BTNL3: variants seen among roughly 807,000 people sequenced by gnomAD.
BTNL3 encodes butyrophilin-like protein 3.
In BTNL3, 20 loss-of-function variants were observed where a neutral mutation model predicts 40.1. That is an observed-to-expected ratio of 0.50 (90% confidence interval 0.35 to 0.72). The LOEUF (loss-of-function observed/expected upper bound fraction) is 0.72. BTNL3 is among the 30% of genes least tolerant of loss of function. BTNL3 has a pLI of 0.01. For synonymous variants in BTNL3, 179 were observed against 222.1 expected, an observed-to-expected ratio of 0.81 and a Z score of 1.73; for missense variants, 449 against 582.2, an observed-to-expected ratio of 0.77 and a Z score of 2.35.
At chr5:180,996,570 C>A (rs145097514) in intron 2 of BTNL3, among the ~76,000 whole-genome samples, 1 of 136,746 alleles carries the variant, frequency 7.3e-6, no homozygotes, top group African/African-American at 2.5e-5. Context: ...TTGTCTCACA[C>A]CCCTACTCTC....
chr5:181,003,024 AG>A (rs1386536683), intron 4 of BTNL3, among the ~76,000 whole-genome samples: 2 of 135,576 alleles, frequency 1.5e-5, no homozygotes, highest in African/African-American at 5.1e-5. Flanking sequence ...CAGGATAAGC[AG>A]ATAATTGATT....
At position 180,990,942 on chromosome 5, in the gene BTNL3, C is replaced by G. The variant is rs557096490; in HGVS notation, c.49+1865C>G. 3.1e-3 allele frequency among the ~76,000 whole-genome samples: 424 copies of G among 137,446 alleles called. 82 individuals are homozygous for G. Among genetic ancestry groups the G allele is most frequent in the South Asian group, 0.019 (88 of 4,632 alleles). The allele number at this position is 137,446 out of a possible 152,430, so 90.2% of individuals were successfully genotyped here. A position where few individuals can be genotyped will look rare whatever the true frequency, so the allele number is the denominator to read the frequency against. ...CCCAACATCCACTGCTTCCTGTTCC[C>G]CACTGGGTGAGATGTGCCCCTCCGG... On this transcript the variant is annotated intron_variant, in intron 1 of 7. Coordinates refer to ENST00000342868, the MANE Select transcript of BTNL3 (RefSeq NM_197975.3).
At position 180,988,908 on chromosome 5, in the gene BTNL3, C is replaced by G; in HGVS notation, c.-121C>G. 1 of 1,130,800 alleles carries G rather than the reference C, an allele frequency of 8.8e-7. No homozygotes were observed. Among genetic ancestry groups the G allele is most frequent in the Non-Finnish European group, 1.3e-6 (1 of 799,126 alleles). The allele number at this position is 1,130,800 out of a possible 1,614,324, so 70.0% of individuals were successfully genotyped here. On this transcript the variant is annotated 5_prime_UTR_variant, in exon 1 of 8. The change creates a new upstream start codon in the 5' untranslated region. Coordinates refer to ENST00000342868, the MANE Select transcript of BTNL3 (RefSeq NM_197975.3). ...TAGGGAGAAATGCACAGTTTGACAT[C>G]GTTCATGAAGAGCCTCTCCACGGCT... is the stretch of plus-strand genomic sequence containing the variant.
chr5:181,005,027 G>A (rs1468861527), intron 7 of BTNL3, among the ~76,000 whole-genome samples: 2 of 152,160 alleles, frequency 1.3e-5, no homozygotes, highest in Non-Finnish European at 2.9e-5. Context: ...GGGGAACTAA[G>A]TGAAGTTAGC....
rs547012874 is a variant in BTNL3 at position 180,990,195 on chromosome 5, G to A, written c.49+1118G>A. On this transcript the variant is annotated intron_variant, in intron 1 of 7. Coordinates refer to ENST00000342868, the MANE Select transcript of BTNL3 (RefSeq NM_197975.3). The stretch of plus-strand genomic sequence containing the variant: ...AAACAAAAAATCACAATCCACGTAT[G>A]TTACTCACAAGACAGCCTCCGTTTA... Among the ~76,000 whole-genome samples, 35 of 136,822 alleles carry A rather than the reference G, an allele frequency of 2.6e-4. 10 individuals carry two copies. The Middle Eastern group carries it at 0.014, about 55-fold the overall frequency. The allele number at this position is 136,822 out of a possible 152,430, so 89.8% of individuals were successfully genotyped here.
rs981158962 is a variant in BTNL3 at position 181,004,176 on chromosome 5, A to G, written c.809-241A>G. ...CATGAGCTCTGAGGGTGTCTGGGCC[A>G]CAGTGAGGAACCTGAGAAAAATTTG... On this transcript the variant is annotated intron_variant, in intron 5 of 7. Coordinates refer to ENST00000342868, the MANE Select transcript of BTNL3 (RefSeq NM_197975.3). Among the ~76,000 whole-genome samples, 70 of 151,674 alleles carry G rather than the reference A, an allele frequency of 4.6e-4. No homozygotes were observed. In the Middle Eastern group the frequency reaches 0.01, roughly 22 times the overall value.
chr5:181,000,504 G>A (rs887735633), intron 3 of BTNL3, among the ~76,000 whole-genome samples: 1 of 137,030 alleles, frequency 7.3e-6, no homozygotes, highest in Non-Finnish European at 1.7e-5. Context: ...TACATAATGT[G>A]TCATTTAAAA....
At chr5:180,989,206 C>A in intron 1 of BTNL3, 129 bp downstream of exon 1, 1 of 1,148,612 alleles carries the variant, frequency 8.7e-7, no homozygotes, top group South Asian at 1.6e-5. Context: ...CTTCTCCTGG[C>A]CTCAGGCTGG....
rs1029633301 is a variant in BTNL3, at chr5:181,000,572, C to T, written c.674-2100C>T. Among the ~76,000 whole-genome samples the T allele has an allele frequency of 8.3e-5, 11 of 132,860 alleles. 3 individuals carry two copies. The East Asian group carries it at 1.6e-3, about 19-fold the overall frequency. The allele number at this position is 132,860 out of a possible 152,430, so 87.2% of individuals were successfully genotyped here. A position where few individuals can be genotyped will look rare whatever the true frequency, so the allele number is the denominator to read the frequency against. On this transcript the variant is annotated intron_variant, in intron 3 of 7. Transcript: ENST00000342868. Reference sequence around the variant, plus strand: ...CTGTAATCCCAGCACTTTGGGAGGCCGAGGCAGGTGGATCATGAGGTCAGG... The same window carrying T: ...CTGTAATCCCAGCACTTTGGGAGGCTGAGGCAGGTGGATCATGAGGTCAGG...
intron 3 of BTNL3, 102 bp downstream of exon 3, chr5:180,997,590 T>G: frequency 7.3e-7 from 1 of 1,377,404 alleles, no homozygotes; most frequent in East Asian, 2.6e-5. Flanking sequence ...CCATCCAGCT[T>G]CAATGATTTG....
chr5:181,005,320 C>G lies in BTNL3; in HGVS notation c.863-14C>G. ...CAGTAACTCATGCTTCCTCTCTCCC[C>G]CACCGCACCCCAGTGGAGGTGACTC... On this transcript the variant is annotated splice_polypyrimidine_tract_variant and intron_variant, in intron 7 of 7. Transcript: ENST00000342868. The G allele has an allele frequency of 6.2e-7, 1 of 1,609,280 alleles. No individual in the cohort carries two copies. Among genetic ancestry groups the G allele is most frequent in the Non-Finnish European group, 8.5e-7 (1 of 1,177,972 alleles).
chr5:180,995,798 G>C, intron 2 of BTNL3, among the ~76,000 whole-genome samples: 1 of 135,780 alleles, frequency 7.4e-6, no homozygotes. Context: ...AGGTGGGAGT[G>C]GGGGAGTGGT....
chr5:180,989,002 G>C lies in BTNL3; in HGVS notation c.-27G>C, dbSNP rs372413048. 11 of 1,441,132 alleles carry C rather than the reference G, an allele frequency of 7.6e-6. 2 individuals are homozygous for C. The East Asian group carries it at 1.3e-4, about 16-fold the overall frequency. The allele number at this position is 1,441,132 out of a possible 1,614,324, so 89.3% of individuals were successfully genotyped here. ...ACCCCTGCTGTCATCTGTTTTCATA[G>C]TGTGAGATCAACCCACAGGAATATC... On this transcript the variant is annotated 5_prime_UTR_variant, in exon 1 of 8. An upstream open reading frame in the 5' UTR loses its in-frame stop. Transcript: ENST00000342868.
chr5:181,002,874 T>C, intron 4 of BTNL3, 89 bp downstream of exon 4: 2 of 1,362,002 alleles, frequency 1.5e-6, no homozygotes, highest in Non-Finnish European at 2.0e-6. Context: ...CTCTGGGCTC[T>C]GCTCTTCCAG....
intron 3 of BTNL3, among the ~76,000 whole-genome samples, chr5:181,000,126 T>C (rs529966241): frequency 7.3e-6 from 1 of 136,472 alleles, no homozygotes; most frequent in South Asian, 2.2e-4. Flanking sequence ...TAATTGAAAA[T>C]GTAAAAATCT....
Position 180,996,403 on chromosome 5 carries a change from C to T in BTNL3, c.398-810C>T, listed in dbSNP as rs894653212. ...CCTCCTCCATGCTGCTGCCTGGAGACCTCTCTAACATACAGGCCTTGCCAT... is the reference window on the plus strand; with the variant it reads ...CCTCCTCCATGCTGCTGCCTGGAGATCTCTCTAACATACAGGCCTTGCCAT... On this transcript the variant is annotated intron_variant, in intron 2 of 7. Coordinates refer to ENST00000342868, the MANE Select transcript of BTNL3 (RefSeq NM_197975.3). Among the ~76,000 whole-genome samples, 4 of 135,770 alleles carry T rather than the reference C, an allele frequency of 2.9e-5. 1 individual carries two copies. Among genetic ancestry groups the T allele is most frequent in the Non-Finnish European group, 6.7e-5 (4 of 59,482 alleles). The allele number at this position is 135,770 out of a possible 152,430, so 89.1% of individuals were successfully genotyped here. A position where few individuals can be genotyped will look rare whatever the true frequency, so the allele number is the denominator to read the frequency against.
rs1382734271 is a variant in BTNL3 at position 181,004,717 on chromosome 5, T to C, written c.836-19T>C. On this transcript the variant is annotated intron_variant, in intron 6 of 7. Coordinates refer to ENST00000342868, the MANE Select transcript of BTNL3 (RefSeq NM_197975.3). Reference sequence around the variant, plus strand: ...CCCACGTGAGCACGGAACTGCCTGCTCTCTCTGCTTGCTTTCAGAATTGAG... The same window carrying C: ...CCCACGTGAGCACGGAACTGCCTGCCCTCTCTGCTTGCTTTCAGAATTGAG... 6.2e-7 allele frequency: 1 copy of C among 1,614,056 alleles called. No individual in the cohort carries two copies. Among genetic ancestry groups the C allele is most frequent in the African/African-American group, 1.3e-5 (1 of 74,930 alleles).
chr5:181,002,305 TAGA>T lies in BTNL3; in HGVS notation c.674-360_674-358del, dbSNP rs1318074313. On this transcript the variant is annotated intron_variant, in intron 3 of 7. Transcript: ENST00000342868. ...ATTGCCAGCACAGTCAACACCTGCT[TAGA>T]AGAAGATGACATTGAACTTCTGCCT... 1.6e-4 allele frequency among the ~76,000 whole-genome samples: 20 copies of T among 122,716 alleles called. 4 individuals carry two copies. The highest frequency in any genetic ancestry group is 4.1e-4 in the African/African-American group (15 of 36,718). The allele number at this position is 122,716 out of a possible 152,430, so 80.5% of individuals were successfully genotyped here.
At chr5:180,996,815 T>C (rs1760039646) in intron 2 of BTNL3, among the ~76,000 whole-genome samples, 1 of 137,142 alleles carries the variant, frequency 7.3e-6, no homozygotes, top group African/African-American at 2.5e-5. Context: ...CTGACCATGC[T>C]TTCATAGTTG....
Sources: allele counts gnomAD v4.1 joint callset (sites outside exome capture counted in the v4.1 genomes callset), GRCh38; gene constraint gnomAD v4.1.1; transcripts MANE v1.5; gene names NCBI Gene and HGNC (gene_info 2026-07-23, HGNC 2026-07-21).